The following CAMK1D variants were observed in gnomAD, a reference collection of about 807,000 sequenced individuals.
The protein encoded by CAMK1D is calcium/calmodulin-dependent protein kinase type 1D.
In CAMK1D, 9 loss-of-function variants were observed where a neutral mutation model predicts 47.7. The ratio of observed to expected loss-of-function variants is 0.19; its 90% CI spans 0.11 to 0.33. The LOEUF (loss-of-function observed/expected upper bound fraction) is 0.33. CAMK1D is among the 10% of genes least tolerant of loss of function. The pLI is 1.00. For synonymous variants in CAMK1D, 184 were observed against 184.9 expected (o/e 0.99, Z 0.04); for missense variants, 291 against 488.7 (o/e 0.60, Z 3.81).
chr10:12,407,991 G>T (rs1156544113), intron 1 of CAMK1D, among the ~76,000 whole-genome samples: 1 of 151,706 alleles, frequency 6.6e-6, no homozygotes, highest in Non-Finnish European at 1.5e-5. Context: ...CTGAGTAGCT[G>T]GGATTACAGG....
chr10:12,676,506 G>A (rs747153386), intron 3 of CAMK1D, among the ~76,000 whole-genome samples: 8 of 152,160 alleles, frequency 5.3e-5, no homozygotes, highest in Non-Finnish European at 7.3e-5. Flanking sequence ...TATGCTAGGC[G>A]CTTAACAAAT....
At chr10:12,401,946 A>T (rs1839241263) in intron 1 of CAMK1D, among the ~76,000 whole-genome samples, 1 of 151,468 alleles carries the variant, frequency 6.6e-6, no homozygotes, top group Admixed American at 6.6e-5. Context: ...CCCAGGCTGG[A>T]GTACAGTGGC....
chr10:12,527,373 G>C (rs1282342825), intron 1 of CAMK1D, among the ~76,000 whole-genome samples: 1 of 15,158 alleles, frequency 6.6e-5, no homozygotes, highest in African/African-American at 2.8e-4. Flanking sequence ...TTTTTTTTTT[G>C]AGAGGGAGTG....
Position 12,811,292 on chromosome 10 carries a change from C to T in CAMK1D, c.642-2903C>T, listed in dbSNP as rs12263158. Among the ~76,000 whole-genome samples the T allele has an allele frequency of 6.1e-3, 931 of 152,276 alleles. 17 individuals are homozygous for T. Among genetic ancestry groups the T allele is most frequent in the African/African-American group, 0.021 (887 of 41,534 alleles). On this transcript the variant is annotated intron_variant, in intron 6 of 10. Coordinates refer to ENST00000619168, the MANE Select transcript of CAMK1D (RefSeq NM_153498.4). ...GGATTACCAGTGTGAATGGGCGGCC[C>T]CATGGTCACAGAAGTCCTCTGTGTA... is the stretch of plus-strand genomic sequence containing the variant.
chr10:12,703,979 C>G (rs887423038), intron 3 of CAMK1D, among the ~76,000 whole-genome samples: 13 of 152,046 alleles, frequency 8.6e-5, no homozygotes, highest in African/African-American at 2.7e-4. Context: ...ATGAATCATG[C>G]AGGGTTGCAT....
At chr10:12,735,293 C>G (rs934862888) in intron 3 of CAMK1D, among the ~76,000 whole-genome samples, 6 of 152,092 alleles carry the variant, frequency 3.9e-5, no homozygotes, top group Non-Finnish European at 8.8e-5. Context: ...TGGGCTATCA[C>G]GGTGAAACCC....
intron 1 of CAMK1D, among the ~76,000 whole-genome samples, chr10:12,374,414 C>T (rs924336466): frequency 5.3e-5 from 8 of 152,152 alleles, no homozygotes; most frequent in South Asian, 2.1e-4. Context: ...TCCTAAAACA[C>T]GGTACCGTGT....
chr10:12,350,048 G>A (rs1837302565), intron 1 of CAMK1D, 138 bp downstream of exon 1: 5 of 340,156 alleles, frequency 1.5e-5, no homozygotes, highest in Non-Finnish European at 2.6e-5. Flanking sequence ...TCTCGGCGCT[G>A]CGGAGCCCCC....
At chr10:12,686,696 C>G (rs892922450) in intron 3 of CAMK1D, among the ~76,000 whole-genome samples, 2 of 151,910 alleles carry the variant, frequency 1.3e-5, no homozygotes, top group Non-Finnish European at 1.5e-5. Flanking sequence ...AGGAAGTGTC[C>G]GGAGGAATAT....
intron 1 of CAMK1D, among the ~76,000 whole-genome samples, chr10:12,525,270 C>T (rs559687358): frequency 7.2e-5 from 11 of 152,148 alleles, no homozygotes; most frequent in South Asian, 2.1e-4. Context: ...TAATGTCTTT[C>T]GCCATACATG....
At chr10:12,803,621 C>T (rs1838579506) in intron 6 of CAMK1D, among the ~76,000 whole-genome samples, 1 of 152,160 alleles carries the variant, frequency 6.6e-6, no homozygotes. Context: ...CGCCATTGCA[C>T]TCCAGCCTGG....
At chr10:12,549,141 C>T (rs1836498321) in intron 1 of CAMK1D, among the ~76,000 whole-genome samples, 1 of 152,214 alleles carries the variant, frequency 6.6e-6, no homozygotes, top group Admixed American at 6.5e-5. Flanking sequence ...CAGGCATGAG[C>T]CACCGTGCCT....
At chr10:12,552,410 C>T (rs539574026) in intron 1 of CAMK1D, among the ~76,000 whole-genome samples, 1 of 152,332 alleles carries the variant, frequency 6.6e-6, no homozygotes, top group East Asian at 1.9e-4. Context: ...ACCGCTCACA[C>T]CCAGTCCTAT....
chr10:12,705,723 C>T (rs775598753), intron 3 of CAMK1D, among the ~76,000 whole-genome samples: 6 of 152,208 alleles, frequency 3.9e-5, no homozygotes, highest in Admixed American at 6.5e-5. Context: ...GTTCGGCCTT[C>T]TTGCCAAGGG....
intron 1 of CAMK1D, among the ~76,000 whole-genome samples, chr10:12,375,925 G>A (rs557489459): frequency 6.6e-6 from 1 of 152,210 alleles, no homozygotes; most frequent in East Asian, 1.9e-4. Flanking sequence ...CATTTTGGGA[G>A]GCTGAGGTGG....
intron 2 of CAMK1D, among the ~76,000 whole-genome samples, chr10:12,666,039 G>T (rs1840418534): frequency 6.6e-6 from 1 of 152,174 alleles, no homozygotes; most frequent in Admixed American, 6.5e-5. Context: ...TGTACTCTGT[G>T]CTTGTCGTGG....
chr10:12,502,785 C>T (rs1050969798), intron 1 of CAMK1D, among the ~76,000 whole-genome samples: 2 of 152,184 alleles, frequency 1.3e-5, no homozygotes, highest in Non-Finnish European at 2.9e-5. Flanking sequence ...GTGTGTAGGA[C>T]CCGGTGCCTG....
At position 12,816,172 on chromosome 10, in the gene CAMK1D, C is replaced by T. The variant is rs1832784718; in HGVS notation, c.755-78C>T. The T allele has an allele frequency of 1.3e-5, 15 of 1,181,336 alleles. No individual in the cohort carries two copies. In the South Asian group the frequency reaches 2.0e-4, roughly 16 times the overall value. 73.2% of individuals were successfully genotyped at this position (1,181,336 alleles called of 1,614,324 possible). A position where few individuals can be genotyped will look rare whatever the true frequency, so the allele number is the denominator to read the frequency against. On this transcript the variant is annotated intron_variant, in intron 7 of 10. Transcript: ENST00000619168. ...ATTTTTCATGCTACACACGCTCCTCCTGAAGACCTGGTGGGATCATATTGT... is the reference window on the plus strand; with the variant it reads ...ATTTTTCATGCTACACACGCTCCTCTTGAAGACCTGGTGGGATCATATTGT...
chr10:12,671,455 T>G (rs1391377868), intron 3 of CAMK1D, among the ~76,000 whole-genome samples: 2 of 152,118 alleles, frequency 1.3e-5, no homozygotes, highest in Non-Finnish European at 2.9e-5. Flanking sequence ...CTCTACATCC[T>G]TATTAACACT....
Sources: allele counts gnomAD v4.1 joint callset (sites outside exome capture counted in the v4.1 genomes callset), GRCh38; gene constraint gnomAD v4.1.1; transcripts MANE v1.5; gene names NCBI Gene and HGNC (gene_info 2026-07-23, HGNC 2026-07-21).